CAST: variants seen among roughly 807,000 people sequenced by gnomAD.
The protein encoded by CAST is calpastatin.
Under a neutral mutation model 119.6 loss-of-function variants are expected in CAST, and 76 were observed. The observed-to-expected ratio is 0.64, with a 90% CI of 0.53 to 0.77. CAST has a LOEUF of 0.77. Ranked by LOEUF, CAST falls within the 30% of genes least tolerant of loss-of-function variation. The pLI, the probability that CAST is intolerant of heterozygous loss-of-function variation, is 0.00. For missense variants in CAST, 953 were observed against 946.5 expected, an observed-to-expected ratio of 1.01 and a Z score of -0.09; for synonymous variants, 319 against 331.6, an observed-to-expected ratio of 0.96 and a Z score of 0.41.
the CAST span, among the ~76,000 whole-genome samples, chr5:96,358,611 G>C: frequency 6.6e-6 from 1 of 152,256 alleles, no homozygotes; most frequent in Admixed American, 6.5e-5. Context: ...TCAGGAGCAG[G>C]CTGTTCAGTT....
At chr5:96,047,761 G>T in the CAST span, among the ~76,000 whole-genome samples, 2 of 151,938 alleles carry the variant, frequency 1.3e-5, no homozygotes, top group Non-Finnish European at 2.9e-5. Flanking sequence ...GGGCAGGGTA[G>T]TGGACATCAG....
chr5:96,595,934 T>C (rs1282769122), intron 1 of CAST, among the ~76,000 whole-genome samples: 1 of 152,114 alleles, frequency 6.6e-6, no homozygotes, highest in Non-Finnish European at 1.5e-5. Flanking sequence ...GCATAAGACC[T>C]GGATGTTCAA....
the CAST span, among the ~76,000 whole-genome samples, chr5:96,297,169 G>A: frequency 6.6e-6 from 1 of 152,290 alleles, no homozygotes; most frequent in South Asian, 2.1e-4. Flanking sequence ...TGTCACTGAT[G>A]TGTAGCATTT....
At chr5:96,080,491 G>C in the CAST span, among the ~76,000 whole-genome samples, 6 of 152,184 alleles carry the variant, frequency 3.9e-5, no homozygotes, top group South Asian at 1.2e-3. Context: ...AGGTATAAGT[G>C]AAAGTCTGAA....
At chr5:96,082,095 G>A in the CAST span, among the ~76,000 whole-genome samples, 5 of 152,124 alleles carry the variant, frequency 3.3e-5, no homozygotes, top group Non-Finnish European at 5.9e-5. Flanking sequence ...TGTATTTTTA[G>A]TAGAGACGGG....
chr5:96,469,207 A>G, the CAST span, among the ~76,000 whole-genome samples: 3 of 152,130 alleles, frequency 2.0e-5, no homozygotes, highest in Non-Finnish European at 2.9e-5. Flanking sequence ...ATTTTTAAAT[A>G]GATGGTAAAG....
chr5:96,643,941 C>T (rs1013764021), intron 1 of CAST, among the ~76,000 whole-genome samples: 16 of 151,804 alleles, frequency 1.1e-4, no homozygotes, highest in Non-Finnish European at 1.8e-4. Context: ...CCCATCTACT[C>T]AGGAGACTGA....
the CAST span, among the ~76,000 whole-genome samples, chr5:96,250,381 A>G: frequency 2.0e-5 from 3 of 152,084 alleles, no homozygotes; most frequent in Non-Finnish European, 4.4e-5. Flanking sequence ...TGAAGATGCA[A>G]TTCTTATCCT....
chr5:96,131,653 C>A, the CAST span, among the ~76,000 whole-genome samples: 1 of 152,038 alleles, frequency 6.6e-6, no homozygotes. Context: ...GAAAAAGCAC[C>A]AAGGTATTTA....
At chr5:96,184,393 A>G in the CAST span, among the ~76,000 whole-genome samples, 2 of 152,102 alleles carry the variant, frequency 1.3e-5, no homozygotes, top group African/African-American at 2.4e-5. Flanking sequence ...CATATGCAGG[A>G]TGTGCTATTT....
intron 2 of CAST, among the ~76,000 whole-genome samples, chr5:96,681,655 C>T (rs949069512): frequency 1.1e-4 from 16 of 148,244 alleles, no homozygotes; most frequent in African/African-American, 3.7e-4. Context: ...ATGGCGTGAA[C>T]CCGGGAGGCG....
chr5:96,166,475 T>A, the CAST span, among the ~76,000 whole-genome samples: 3 of 152,124 alleles, frequency 2.0e-5, no homozygotes, highest in African/African-American at 7.2e-5. Flanking sequence ...TCAGCTCACA[T>A]CTCGGTTTCT....
At chr5:96,152,839 G>A in the CAST span, among the ~76,000 whole-genome samples, 1 of 152,198 alleles carries the variant, frequency 6.6e-6, no homozygotes, top group Non-Finnish European at 1.5e-5. Flanking sequence ...TTGGTGCAAA[G>A]CAGTAACTTG....
the CAST span, among the ~76,000 whole-genome samples, chr5:96,290,160 G>T: frequency 6.6e-6 from 1 of 152,104 alleles, no homozygotes; most frequent in African/African-American, 2.4e-5. Flanking sequence ...CTTAATTTTA[G>T]CTCAAAGTCT....
At chr5:96,698,255 T>C (rs2150310482) in intron 3 of CAST, among the ~76,000 whole-genome samples, 1 of 152,304 alleles carries the variant, frequency 6.6e-6, no homozygotes, top group East Asian at 1.9e-4. Flanking sequence ...TTATAAAGAA[T>C]TTGAACATCT....
the CAST span, among the ~76,000 whole-genome samples, chr5:96,434,603 G>C: frequency 0.19 from 26,778 of 138,988 alleles, 2,880 homozygotes; most frequent in Non-Finnish European, 0.23. Flanking sequence ...CACCTGGGAA[G>C]TTTGTTTTTT....
intron 3 of CAST, among the ~76,000 whole-genome samples, chr5:96,696,987 C>A (rs1230101752): frequency 2.0e-5 from 3 of 151,808 alleles, no homozygotes; most frequent in Non-Finnish European, 4.4e-5. Flanking sequence ...ATGGTGAAAC[C>A]CCATCTCTAC....
the CAST span, among the ~76,000 whole-genome samples, chr5:96,108,832 A>G: frequency 6.6e-6 from 1 of 152,148 alleles, no homozygotes; most frequent in African/African-American, 2.4e-5. Flanking sequence ...CCTTGCTGCC[A>G]CCTTGCAGTT....
intron 1 of CAST, among the ~76,000 whole-genome samples, chr5:96,536,664 A>C (rs1415086082): frequency 1.3e-5 from 2 of 152,212 alleles, no homozygotes; most frequent in Admixed American, 1.3e-4. Context: ...TATATTCATC[A>C]CATTTCTCAA....
Sources: gnomAD v4.1 joint callset for allele counts (sites outside exome capture counted in the v4.1 genomes callset) on GRCh38, gnomAD v4.1.1 for gene constraint, MANE v1.5 for transcripts, NCBI Gene and HGNC (gene_info 2026-07-23, HGNC 2026-07-21) for gene names.